Variants in ROBO2 observed in about 807,000 individuals in gnomAD.
ROBO2 encodes the protein roundabout guidance receptor 2, also known as roundabout homolog 2.
In ROBO2, 53 loss-of-function variants were observed where a neutral mutation model predicts 160.8. That is an observed-to-expected ratio of 0.33 (90% CI 0.26 to 0.41). The LOEUF (loss-of-function observed/expected upper bound fraction) is 0.41, where lower values mean the gene tolerates loss of function less well. Among genes scored for constraint, ROBO2 ranks in the 10% least tolerant of loss-of-function variants. ROBO2 has a pLI of 1.00. For synonymous variants in ROBO2, 664 were observed against 611.7 expected (o/e 1.09, Z -1.26); for missense variants, 1,577 against 1,722.4 (o/e 0.92, Z 1.49).
rs539170191 is a variant in ROBO2, at chr3:77,517,831, C to G, written c.807-4944C>G. Among the ~76,000 whole-genome samples, 6 of 151,400 alleles carry G rather than the reference C, an allele frequency of 4.0e-5. No homozygotes were observed. The South Asian group carries it at 1.2e-3, about 32-fold the overall frequency. On this transcript the variant is annotated intron_variant, in intron 5 of 25. Coordinates refer to ENST00000461745, the Ensembl canonical transcript of ROBO2. ...CAGCATATCCACGCTATGCACACTA[C>G]CTTCCAGTGAGTCACTTAGTAGAAC...
chr3:77,041,789 G>A (rs1421061419), intron 1 of ROBO2, among the ~76,000 whole-genome samples: 1 of 152,104 alleles, frequency 6.6e-6, no homozygotes, highest in African/African-American at 2.4e-5. Flanking sequence ...ACTGGTATAA[G>A]GGAGTACTAG....
intron 2 of ROBO2, among the ~76,000 whole-genome samples, chr3:76,918,383 TC>T (rs2076459000): frequency 6.6e-6 from 1 of 152,244 alleles, no homozygotes; most frequent in Non-Finnish European, 1.5e-5. Flanking sequence ...TCCTGAGGCC[TC>T]CCTAGCCATG....
At chr3:76,258,333 A>G (rs150402323) in intron 2 of ROBO2, among the ~76,000 whole-genome samples, 154 of 152,150 alleles carry the variant, frequency 1.0e-3, no homozygotes, top group African/African-American at 3.6e-3. Context: ...ATAGCAATAC[A>G]TTTTTATCCA....
intron 2 of ROBO2, among the ~76,000 whole-genome samples, chr3:76,121,400 T>G (rs1367319646): frequency 6.6e-6 from 1 of 152,130 alleles, no homozygotes; most frequent in Non-Finnish European, 1.5e-5. Context: ...ATTTCCAAAT[T>G]CTTTGTAATC....
chr3:77,439,693 A>G (rs141418543), intron 2 of ROBO2, among the ~76,000 whole-genome samples: 195 of 152,238 alleles, frequency 1.3e-3, no homozygotes, highest in African/African-American at 3.7e-3. Context: ...TAAGGCAAGA[A>G]TGTCAATCAA....
At chr3:77,167,306 T>C (rs2150706569) in intron 2 of ROBO2, among the ~76,000 whole-genome samples, 1 of 152,344 alleles carries the variant, frequency 6.6e-6, no homozygotes, top group Admixed American at 6.5e-5. Flanking sequence ...CAACTAATTG[T>C]ACAATCTTAT....
intron 5 of ROBO2, 150 bp downstream of exon 5, chr3:77,493,532 G>T: frequency 1.2e-6 from 1 of 835,394 alleles, no homozygotes. Context: ...CATATTTACT[G>T]TTTGTATGTT....
At chr3:77,079,741 A>G (rs992196217) in intron 1 of ROBO2, among the ~76,000 whole-genome samples, 1 of 152,190 alleles carries the variant, frequency 6.6e-6, no homozygotes, top group Non-Finnish European at 1.5e-5. Context: ...GGGAATGTTG[A>G]ATCTGTGACC....
intron 2 of ROBO2, among the ~76,000 whole-genome samples, chr3:76,959,075 G>A (rs1226312934): frequency 6.6e-6 from 1 of 152,092 alleles, no homozygotes; most frequent in South Asian, 2.1e-4. Context: ...GAAACATCTG[G>A]AATTCACAAC....
At chr3:77,412,835 C>T (rs553224604) in intron 2 of ROBO2, among the ~76,000 whole-genome samples, 6 of 152,202 alleles carry the variant, frequency 3.9e-5, no homozygotes, top group Non-Finnish European at 8.8e-5. Context: ...TCCATGTGTT[C>T]CTTTCCTACC....
rs2064046627 is a variant in ROBO2, at chr3:77,316,872, A to G, written c.389-160542A>G. 3.4e-6 allele frequency: 4 copies of G among 1,176,332 alleles called. No homozygotes were observed. In the East Asian group the frequency reaches 7.0e-5, roughly 21 times the overall value. 72.9% of individuals were successfully genotyped at this position (1,176,332 alleles called of 1,614,324 possible). A position where few individuals can be genotyped will look rare whatever the true frequency, so the allele number is the denominator to read the frequency against. ...GCTGCAGGGTCTGAGTGTATCCTAA[A>G]CCTATCAGGCTGGAGTTGTTCACTT... is the stretch of plus-strand genomic sequence containing the variant. On this transcript the variant is annotated intron_variant, in intron 2 of 25. Coordinates refer to ENST00000461745, the Ensembl canonical transcript of ROBO2.
intron 3 of ROBO2, among the ~76,000 whole-genome samples, chr3:77,479,472 G>A (rs1487810446): frequency 1.3e-5 from 2 of 152,124 alleles, no homozygotes; most frequent in Admixed American, 6.5e-5. Flanking sequence ...GAATGTCAGA[G>A]AGACATTGAT....
At chr3:77,601,563 C>T (rs2094430540) in intron 19 of ROBO2, among the ~76,000 whole-genome samples, 1 of 152,056 alleles carries the variant, frequency 6.6e-6, no homozygotes, top group Admixed American at 6.6e-5. Context: ...GAGTTGATAG[C>T]ATAAATTAAA....
intron 2 of ROBO2, among the ~76,000 whole-genome samples, chr3:76,567,698 T>C (rs1181877191): frequency 7.3e-6 from 1 of 136,128 alleles, no homozygotes; most frequent in Admixed American, 7.6e-5. Flanking sequence ...TATATGTATA[T>C]CAGTGTATAT....
At chr3:77,634,237 A>G (rs2095224383) in intron 23 of ROBO2, 1 of 153,520 alleles carries the variant, frequency 6.5e-6, no homozygotes, top group South Asian at 2.0e-4. Flanking sequence ...GAAAATACCT[A>G]TTGCATGCTG....
chr3:75,943,243 C>CA (rs34915691), intron 2 of ROBO2, among the ~76,000 whole-genome samples: 2 of 151,758 alleles, frequency 1.3e-5, no homozygotes, highest in African/African-American at 4.8e-5. Flanking sequence ...ACAATAGTAA[C>CA]AAAAAAATCT....
intron 2 of ROBO2, among the ~76,000 whole-genome samples, chr3:76,292,374 T>G (rs181072651): frequency 2.3e-3 from 348 of 152,328 alleles, no homozygotes; most frequent in Non-Finnish European, 4.0e-3. Context: ...TATCTACATT[T>G]CATTATCCTT....
chr3:76,587,382 T>C (rs1189577127), intron 2 of ROBO2, among the ~76,000 whole-genome samples: 2 of 152,046 alleles, frequency 1.3e-5, no homozygotes, highest in Non-Finnish European at 2.9e-5. Flanking sequence ...GGGTAACTTA[T>C]AAAGAAAAGG....
At chr3:77,618,076 T>G (rs577323024) in intron 22 of ROBO2, 5 of 395,262 alleles carry the variant, frequency 1.3e-5, no homozygotes, top group African/African-American at 1.0e-4. Flanking sequence ...TAAAGTGCTC[T>G]TGGCTACACC....
Sources: gnomAD v4.1 joint callset for allele counts (sites outside exome capture counted in the v4.1 genomes callset) on GRCh38, gnomAD v4.1.1 for gene constraint, MANE v1.5 for transcripts, NCBI Gene and HGNC (gene_info 2026-07-23, HGNC 2026-07-21) for gene names.